The following SNRNP70 variants were observed in gnomAD, a reference collection of about 807,000 sequenced individuals.
SNRNP70 encodes the protein small nuclear ribonucleoprotein U1 subunit 70.
Under a neutral mutation model 50.5 loss-of-function variants are expected in SNRNP70, and 8 were observed. The observed-to-expected ratio is 0.16, with a 90% CI of 0.09 to 0.29. The LOEUF is 0.29. Ranked by LOEUF, SNRNP70 falls within the 10% of genes least tolerant of loss-of-function variation. The pLI, the probability that SNRNP70 is intolerant of heterozygous loss-of-function variation, is 1.00. For synonymous variants in SNRNP70, 320 were observed against 252.9 expected, an observed-to-expected ratio of 1.27 and a Z score of -2.52; for missense variants, 529 against 663.5, an observed-to-expected ratio of 0.80 and a Z score of 2.23.
At position 49,108,510 on chromosome 19, in the gene SNRNP70, C is replaced by T. The variant is rs2040716519; in HGVS notation, c.*67C>T. ...GCCCAGCCCCTTGCTGTCATCCCCTCCCCCAACCTTGGCCACTTGAGTTTG... is the reference window on the plus strand; with the variant it reads ...GCCCAGCCCCTTGCTGTCATCCCCTTCCCCAACCTTGGCCACTTGAGTTTG... On this transcript the variant is annotated 3_prime_UTR_variant, in exon 10 of 10. Transcript: ENST00000598441. The T allele has an allele frequency of 6.5e-6, 10 of 1,528,938 alleles. No individual in the cohort carries two copies. Among genetic ancestry groups the T allele is most frequent in the Admixed American group, 4.0e-5 (2 of 49,644 alleles). 94.7% of individuals were successfully genotyped at this position (1,528,938 alleles called of 1,614,324 possible).
At chr19:49,091,241 C>T (rs2122318462) in intron 4 of SNRNP70, among the ~76,000 whole-genome samples, 1 of 151,560 alleles carries the variant, frequency 6.6e-6, no homozygotes, top group Non-Finnish European at 1.5e-5. Flanking sequence ...TGGTGGCGAG[C>T]GTCTGTAATC....
chr19:49,091,406 TA>T (rs2040445815), intron 4 of SNRNP70, among the ~76,000 whole-genome samples: 1 of 152,058 alleles, frequency 6.6e-6, no homozygotes, highest in African/African-American at 2.4e-5. Context: ...CTATTTACTG[TA>T]CCCTTTCTAT....
intron 6 of SNRNP70, among the ~76,000 whole-genome samples, chr19:49,100,598 A>G (rs2040570484): frequency 6.6e-6 from 1 of 151,940 alleles, no homozygotes. Context: ...TGAGGTCAGG[A>G]TTTCAAGACC....
chr19:49,098,884 G>A (rs2040545719), intron 6 of SNRNP70, among the ~76,000 whole-genome samples, 180 bp downstream of exon 6: 1 of 152,192 alleles, frequency 6.6e-6, no homozygotes, highest in Non-Finnish European at 1.5e-5. Context: ...AAAATGAGAA[G>A]TAATGACTGC....
At chr19:49,105,796 G>T (rs1364185293) in intron 8 of SNRNP70, among the ~76,000 whole-genome samples, 2 of 152,012 alleles carry the variant, frequency 1.3e-5, no homozygotes, top group Non-Finnish European at 2.9e-5. Flanking sequence ...CCCACAGCTT[G>T]CTTCTGCCTC....
chr19:49,088,448 T>C (rs1446051176), intron 2 of SNRNP70, among the ~76,000 whole-genome samples: 2 of 149,082 alleles, frequency 1.3e-5, no homozygotes, highest in Admixed American at 6.7e-5. Flanking sequence ...ATCTGCCCAC[T>C]TTGGCCTTCC....
intron 2 of SNRNP70, among the ~76,000 whole-genome samples, chr19:49,089,515 G>A (rs1189975261): frequency 6.6e-6 from 1 of 151,938 alleles, no homozygotes; most frequent in African/African-American, 2.4e-5. Flanking sequence ...GACCAAATTT[G>A]TATTAAGAGT....
intron 6 of SNRNP70, among the ~76,000 whole-genome samples, chr19:49,099,624 A>G (rs973188313): frequency 2.0e-5 from 3 of 151,962 alleles, no homozygotes; most frequent in African/African-American, 7.3e-5. Flanking sequence ...CCGTAATCCC[A>G]GCTACTGAGG....
chr19:49,085,644 AGT>A lies in SNRNP70; in HGVS notation c.-11+12_-11+13del. The A allele has an allele frequency of 2.2e-6, 1 of 455,844 alleles. No homozygotes were observed. The highest frequency in any genetic ancestry group is 4.4e-6 in the Non-Finnish European group (1 of 226,700). The allele number at this position is 455,844 out of a possible 1,614,324, so 28.2% of individuals were successfully genotyped here. A position where few individuals can be genotyped will look rare whatever the true frequency, so the allele number is the denominator to read the frequency against. On this transcript the variant is annotated intron_variant, in intron 1 of 9. Coordinates refer to ENST00000598441, the MANE Select transcript of SNRNP70 (RefSeq NM_003089.6). ...CGAGGAGGGCGCTACGCGGTGAGTG[AGT>A]GTGACTGAGTGGCCCGACGGGGTGC...
intron 6 of SNRNP70, 116 bp downstream of exon 6, chr19:49,098,820 G>A (rs980373183): frequency 2.5e-6 from 2 of 814,916 alleles, no homozygotes; most frequent in Admixed American, 1.8e-5. Flanking sequence ...TTCAGGGCCT[G>A]GATTTATGCA....
At position 49,108,029 on chromosome 19, in the gene SNRNP70, G is replaced by C; in HGVS notation, c.900G>C (p.Arg300=). The part of the protein sequence containing the change: ...RRSSRSRERA[R]RERERKEELR... ...GCAGCCGGAGTCGGGAGCGGGCCCG[G>C]CGGGAGCGGGAGCGCAAGGAGGAGC... Residue 300 remains arginine (R), a synonymous_variant, in exon 10 of 10, where the codon CGG becomes CGC. Transcript: ENST00000598441. 6.5e-7 allele frequency: 1 copy of C among 1,547,524 alleles called. No individual in the cohort carries two copies. The highest frequency in any genetic ancestry group is 8.7e-7 in the Non-Finnish European group (1 of 1,146,350).
In SNRNP70 at chr19:49,098,017, C is replaced by T. The variant is rs1410747098; in HGVS notation, c.266-410C>T. 2.0e-5 allele frequency among the ~76,000 whole-genome samples: 3 copies of T among 152,228 alleles called. No homozygotes were observed. The East Asian group carries it at 5.8e-4, about 29-fold the overall frequency. On this transcript the variant is annotated intron_variant, in intron 4 of 9. Transcript: ENST00000598441. ...GTAGGTGGCAGTGTGGCCCTGCCTACAGGAGGGAGCTCAGAACCTGGGGGC... is the reference window on the plus strand; with the variant it reads ...GTAGGTGGCAGTGTGGCCCTGCCTATAGGAGGGAGCTCAGAACCTGGGGGC...
At chr19:49,105,425 C>T (rs939719200) in intron 8 of SNRNP70, among the ~76,000 whole-genome samples, 6 of 152,162 alleles carry the variant, frequency 3.9e-5, no homozygotes, top group Admixed American at 6.5e-5. Context: ...TGGTAGCTGA[C>T]GCTGTTAAGA....
At chr19:49,097,046 CTTGAACCTCGGAGGCAGAGGTTGCAGTG>C (rs1275435791) in intron 4 of SNRNP70, among the ~76,000 whole-genome samples, 1 of 151,950 alleles carries the variant, frequency 6.6e-6, no homozygotes, top group East Asian at 1.9e-4. Flanking sequence ...AGGAGAATTG[CTTGAACCTCGGAGGCAGAGGTTGCAGTG>C]AGACGAGATT....
At chr19:49,091,418 G>T (rs143744085) in intron 4 of SNRNP70, among the ~76,000 whole-genome samples, 26 of 151,996 alleles carry the variant, frequency 1.7e-4, no homozygotes, top group African/African-American at 6.0e-4. Context: ...CCCTTTCTAT[G>T]CTTTGATAAC....
In SNRNP70 at chr19:49,108,089, C is replaced by A. The variant is rs376233643; in HGVS notation, c.960C>A (p.Ser320=). 5.5e-5 allele frequency: 86 copies of A among 1,552,478 alleles called. No individual in the cohort carries two copies. The African/African-American group carries it at 1.0e-3, about 19-fold the overall frequency. ...GCGGTGGCGACATGGCGGAGCCCTCCGAGGCGGGTGACGCGCCCCCTGATG... is the reference window on the plus strand; with the variant it reads ...GCGGTGGCGACATGGCGGAGCCCTCAGAGGCGGGTGACGCGCCCCCTGATG... ...RGGGGDMAEP[S]EAGDAPPDDG... The change falls in exon 10 of 10, where the codon TCC becomes TCA. Residue 320 remains serine (S), a synonymous_variant. Transcript: ENST00000598441.
Position 49,107,484 on chromosome 19 carries a change from A to T in SNRNP70, c.578-141A>T. ...TCTTGTGATGGGAGTGCGCGGGATG[A>T]ACTGCACGGGGGGACCCGGCCCTGT... On this transcript the variant is annotated intron_variant, in intron 8 of 9. Transcript: ENST00000598441. This position sits in a 1 kb window ranked among gnomAD's most constrained non-coding sequence, Gnocchi z 6.0. 1 of 713,918 alleles carries T rather than the reference A, an allele frequency of 1.4e-6. No individual in the cohort carries two copies. The highest frequency in any genetic ancestry group is 2.4e-6 in the Non-Finnish European group (1 of 413,162). 44.2% of individuals were successfully genotyped at this position (713,918 alleles called of 1,614,324 possible).
At chr19:49,101,810 C>T (rs1478433404) in intron 7 of SNRNP70, 1 of 391,260 alleles carries the variant, frequency 2.6e-6, no homozygotes, top group Non-Finnish European at 4.9e-6. Context: ...CCATTCCCCC[C>T]ACTGAAGTTG....
intron 7 of SNRNP70, chr19:49,102,689 C>T (rs887063746): frequency 6.3e-6 from 1 of 159,258 alleles, no homozygotes; most frequent in African/African-American, 2.4e-5. Flanking sequence ...TGTCCAGCAG[C>T]TCTCCAGAGG....
Sources: gnomAD v4.1 joint callset for allele counts (sites outside exome capture counted in the v4.1 genomes callset) on GRCh38, gnomAD v4.1.1 for gene constraint, Gnocchi (gnomAD v3.1) non-coding constraint, MANE v1.5 for transcripts, NCBI Gene and HGNC (gene_info 2026-07-23, HGNC 2026-07-21) for gene names.